Variants in VGLL4 observed in about 807,000 individuals in gnomAD.
VGLL4 encodes the protein transcription cofactor vestigial-like protein 4.
A neutral mutation model predicts 21.0 loss-of-function variants in VGLL4; 7 were observed. The observed-to-expected ratio is 0.33, with a 90% CI of 0.19 to 0.63. The LOEUF (loss-of-function observed/expected upper bound fraction) is 0.63, where lower values mean the gene tolerates loss of function less well. Ranked by LOEUF, VGLL4 falls within the 20% of genes least tolerant of loss-of-function variation. The pLI is 0.78. For missense variants in VGLL4, 394 were observed against 425.7 expected (o/e 0.93, Z 0.66); for synonymous variants, 222 against 173.2 (o/e 1.28, Z -2.21).
chr3:11,702,793 CT>C, intron 2 of VGLL4: 1 of 360,406 alleles, frequency 2.8e-6, no homozygotes, highest in South Asian at 5.0e-5. Flanking sequence ...AGTTAAAAGA[CT>C]TACATGTTCT....
chr3:11,700,797 TTTG>T (rs1252274491), intron 2 of VGLL4, among the ~76,000 whole-genome samples: 1 of 152,026 alleles, frequency 6.6e-6, no homozygotes, highest in Admixed American at 6.6e-5. Context: ...ATAAAGGAGT[TTTG>T]TTGTTGTTTA....
chr3:11,600,353 A>G (rs568944287), intron 2 of VGLL4, among the ~76,000 whole-genome samples: 1 of 146,288 alleles, frequency 6.8e-6, no homozygotes, highest in South Asian at 2.2e-4. Context: ...CCCCTTTCTT[A>G]CTTATGAAAA....
chr3:11,594,534 C>G (rs1203274915), intron 2 of VGLL4, among the ~76,000 whole-genome samples: 3 of 152,208 alleles, frequency 2.0e-5, no homozygotes, highest in African/African-American at 7.2e-5. Flanking sequence ...CAGGTGACAA[C>G]CTCTTCATTT....
chr3:11,639,623 A>G (rs573602898), intron 1 of VGLL4, among the ~76,000 whole-genome samples: 107 of 152,374 alleles, frequency 7.0e-4, no homozygotes, highest in Middle Eastern at 6.8e-3. Context: ...CTGTAATCCC[A>G]GCACTTTGGA....
At position 11,713,256 on chromosome 3, in the gene VGLL4, T is replaced by C. The variant is rs6762003; in HGVS notation, c.-14+7138A>G. 3.6e-3 allele frequency among the ~76,000 whole-genome samples: 547 copies of C among 152,270 alleles called. 3 individuals carry two copies. Among genetic ancestry groups the C allele is most frequent in the African/African-American group, 0.013 (535 of 41,548 alleles). ...TTAAATTGTATGTTACCTTTCTAAA[T>C]AGAAGCCAGCCCTTATTCAAAATAT... is the stretch of plus-strand genomic sequence containing the variant. On this transcript the variant is annotated intron_variant, in intron 1 of 5. Transcript: ENST00000273038.
At position 11,696,526 on chromosome 3, in the gene VGLL4, T is replaced by C. The variant is rs371665925; in HGVS notation, c.64+6445A>G. 9.9e-5 allele frequency among the ~76,000 whole-genome samples: 15 copies of C among 152,276 alleles called. No homozygotes were observed. In the East Asian group the frequency reaches 2.9e-3, roughly 29 times the overall value. On this transcript the variant is annotated intron_variant, in intron 2 of 5. Transcript: ENST00000273038. The stretch of plus-strand genomic sequence containing the variant: ...GTGGCAGTCAGATCATCCCAGTGCA[T>C]ACAACGGAGGAGCCAGGAGTAAAGT...
intron 2 of VGLL4, among the ~76,000 whole-genome samples, chr3:11,655,192 T>G (rs1163862135): frequency 5.9e-5 from 9 of 152,194 alleles, no homozygotes; most frequent in Admixed American, 4.6e-4. Flanking sequence ...AATTTTGAAT[T>G]TACACCCAGG....
intron 2 of VGLL4, among the ~76,000 whole-genome samples, chr3:11,661,200 G>A (rs28529314): frequency 5.9e-5 from 9 of 151,984 alleles, no homozygotes; most frequent in African/African-American, 1.9e-4. Flanking sequence ...AGTGCCCCCC[G>A]ACTCCACCCC....
chr3:11,644,388 T>C (rs1270386963), upstream of VGLL4, among the ~76,000 whole-genome samples: 1 of 152,178 alleles, frequency 6.6e-6, no homozygotes, highest in African/African-American at 2.4e-5. Context: ...ATGTTACATA[T>C]AGCTTCTTCC....
chr3:11,584,799 GAAAAA>G (rs34312251), intron 2 of VGLL4, among the ~76,000 whole-genome samples: 1 of 145,664 alleles, frequency 6.9e-6, no homozygotes, highest in Non-Finnish European at 1.5e-5. Context: ...CTTGAAAAGA[GAAAAA>G]AAAAAAAAAT....
intron 1 of VGLL4, among the ~76,000 whole-genome samples, chr3:11,607,632 G>C (rs1290560660): frequency 6.6e-6 from 1 of 152,092 alleles, no homozygotes; most frequent in Non-Finnish European, 1.5e-5. Context: ...TCCAAAATAA[G>C]AATATATTTA....
At chr3:11,721,117 A>G (rs550666534), upstream of VGLL4, 2 of 152,356 alleles carry the variant, frequency 1.3e-5, no homozygotes, top group African/African-American at 4.8e-5. Flanking sequence ...AGGAGCCCCT[A>G]CCGTAAGGGC....
intron 4 of VGLL4, 118 bp from the exon 5 acceptor site, chr3:11,558,945 G>C (rs976209111): frequency 7.9e-7 from 1 of 1,271,264 alleles, no homozygotes; most frequent in Non-Finnish European, 1.1e-6. Flanking sequence ...GTCAGCGTGG[G>C]CTCTGCAGAC....
rs187448751 is a variant in VGLL4 at position 11,608,452 on chromosome 3, T to C, written c.83-6430A>G. Among the ~76,000 whole-genome samples, 495 of 152,306 alleles carry C rather than the reference T, an allele frequency of 3.3e-3. 4 individuals carry two copies. Among genetic ancestry groups the C allele is most frequent in the South Asian group, 0.019 (93 of 4,832 alleles). On this transcript the variant is annotated intron_variant, in intron 1 of 4. Transcript: ENST00000430365. Reference sequence around the variant, plus strand: ...TTCCTTCAAATTTCCCCAAAGAAGATAAGCAAAGATTTTGGCCTAAGATTT... The same window carrying C: ...TTCCTTCAAATTTCCCCAAAGAAGACAAGCAAAGATTTTGGCCTAAGATTT...
chr3:11,719,721 T>TG lies in VGLL4; in HGVS notation c.-14+672dup, dbSNP rs1458604695. 2 of 6,102 alleles carry TG rather than the reference T, an allele frequency of 3.3e-4. No homozygotes were observed. The highest frequency in any genetic ancestry group is 1.6e-3 in the African/African-American group (2 of 1,276). The allele number at this position is 6,102 out of a possible 1,614,324, so 0.4% of individuals were successfully genotyped here. The stretch of plus-strand genomic sequence containing the variant: ...TCGGTCACGCCCCTCACGGAGCAGG[T>TG]GGGGGCTGAGCCAGGTGAGCCGGGA... On this transcript the variant is annotated intron_variant, in intron 1 of 5. Coordinates refer to the VGLL4 transcript ENST00000273038. The surrounding 1 kb of genome is among the most constrained non-coding windows in gnomAD (Gnocchi z 4.0).
intron 1 of VGLL4, among the ~76,000 whole-genome samples, chr3:11,630,787 G>A (rs372054390): frequency 3.3e-5 from 5 of 152,154 alleles, no homozygotes; most frequent in East Asian, 3.9e-4. Context: ...CCAATAATCC[G>A]GCAATTCTAC....
Position 11,592,467 on chromosome 3 carries a change from A to C in VGLL4, c.272+9366T>G, listed in dbSNP as rs189246039. 2.7e-4 allele frequency among the ~76,000 whole-genome samples: 41 copies of C among 152,192 alleles called. No homozygotes were observed. In the East Asian group the frequency reaches 7.7e-3, roughly 29 times the overall value. On this transcript the variant is annotated intron_variant, in intron 2 of 4. Coordinates refer to ENST00000430365, the MANE Select transcript of VGLL4 (RefSeq NM_001128219.3). ...GGCTGTGGGGACCTGGAGTGTGCCGAACTACTAACGTCCCGGGGCCTCCAC... is the reference window on the plus strand; with the variant it reads ...GGCTGTGGGGACCTGGAGTGTGCCGCACTACTAACGTCCCGGGGCCTCCAC...
chr3:11,590,663 AGTGTGTGTGTGTGTGTGTGTGTGT>A (rs10592668), intron 2 of VGLL4, among the ~76,000 whole-genome samples: 2 of 147,274 alleles, frequency 1.4e-5, no homozygotes, highest in East Asian at 4.0e-4. Context: ...CAAAATGAAG[AGTGTGTGTGTGTGTGTGTGTGTGT>A]GTGTGTGTGT....
intron 1 of VGLL4, among the ~76,000 whole-genome samples, chr3:11,616,865 G>C (rs995633881): frequency 6.6e-6 from 1 of 152,156 alleles, no homozygotes; most frequent in African/African-American, 2.4e-5. Context: ...ATAAAGAACT[G>C]TAAGGATGGA....
Sources: allele counts gnomAD v4.1 joint callset (sites outside exome capture counted in the v4.1 genomes callset), GRCh38; gene constraint gnomAD v4.1.1; non-coding constraint Gnocchi (gnomAD v3.1); transcripts MANE v1.5; gene names NCBI Gene and HGNC (gene_info 2026-07-23, HGNC 2026-07-21).